The following HDAC9 variants were observed in gnomAD, a reference collection of about 807,000 sequenced individuals.
The protein encoded by HDAC9 is MEF-2 interacting transcription repressor (MITR) protein.
In HDAC9, 41 loss-of-function variants were observed where a neutral mutation model predicts 139.4. That is an observed-to-expected ratio of 0.29 (90% confidence interval 0.23 to 0.38). The LOEUF (loss-of-function observed/expected upper bound fraction) is 0.38, where lower values mean the gene tolerates loss of function less well. HDAC9 is among the 10% of genes least tolerant of loss of function. The pLI, the probability that HDAC9 is intolerant of heterozygous loss-of-function variation, is 1.00. For synonymous variants in HDAC9, 517 were observed against 476.2 expected, an observed-to-expected ratio of 1.09 and a Z score of -1.12; for missense variants, 1,147 against 1,297.0, an observed-to-expected ratio of 0.88 and a Z score of 1.78.
At chr7:18,419,496 T>A (rs1361282234) in intron 1 of HDAC9, among the ~76,000 whole-genome samples, 1 of 152,200 alleles carries the variant, frequency 6.6e-6, no homozygotes, top group African/African-American at 2.4e-5. Context: ...AAGATAAGTT[T>A]TAGTGTTTTC....
At chr7:18,925,529 G>A (rs1804140354) in intron 22 of HDAC9, among the ~76,000 whole-genome samples, 1 of 151,928 alleles carries the variant, frequency 6.6e-6, no homozygotes. Context: ...TTAATTGAAT[G>A]GATCTACCAC....
intron 21 of HDAC9, among the ~76,000 whole-genome samples, chr7:18,867,986 T>C (rs1250321974): frequency 6.6e-6 from 1 of 152,216 alleles, no homozygotes; most frequent in Non-Finnish European, 1.5e-5. Context: ...ATTGTTCTTT[T>C]TCATAACAGC....
intron 2 of HDAC9, among the ~76,000 whole-genome samples, chr7:18,267,303 A>T (rs754027672): frequency 2.0e-5 from 3 of 152,140 alleles, no homozygotes; most frequent in Non-Finnish European, 2.9e-5. Context: ...TGGCGAGAAC[A>T]CTTAGGAATA....
intron 12 of HDAC9, among the ~76,000 whole-genome samples, chr7:18,673,184 G>A (rs113607976): frequency 6.6e-6 from 1 of 151,986 alleles, no homozygotes; most frequent in African/African-American, 2.4e-5. Context: ...GGAGGTTAGG[G>A]CAGGAGGATT....
chr7:18,932,287 C>T (rs369836632), intron 22 of HDAC9, among the ~76,000 whole-genome samples: 1 of 151,998 alleles, frequency 6.6e-6, no homozygotes, highest in Non-Finnish European at 1.5e-5. Context: ...GGCAATTGCC[C>T]CTGAAATTGG....
chr7:18,606,447 G>T (rs906523649), intron 6 of HDAC9, among the ~76,000 whole-genome samples: 5 of 152,264 alleles, frequency 3.3e-5, no homozygotes, highest in African/African-American at 9.6e-5. Context: ...ATTAACATCA[G>T]TGTCCAGCTT....
In HDAC9 at chr7:18,534,000, G is replaced by A. The variant is rs535094422; in HGVS notation, c.22+37676G>A. On this transcript the variant is annotated intron_variant, in intron 2 of 25. Transcript: ENST00000686413. ...ATGTAGTAGGTAACTTCCTCTATTC[G>A]ATAGAGGCTATTAATTATAGTTAAC... Among the ~76,000 whole-genome samples, 7 of 152,070 alleles carry A rather than the reference G, an allele frequency of 4.6e-5. No homozygotes were observed. In the South Asian group the frequency reaches 6.2e-4, roughly 14 times the overall value.
At position 18,864,163 on chromosome 7, in the gene HDAC9, A is replaced by G. The variant is rs184049590; in HGVS notation, c.2685-10315A>G. Among the ~76,000 whole-genome samples, 35 of 152,342 alleles carry G rather than the reference A, an allele frequency of 2.3e-4. 1 individual carries two copies. In the East Asian group the frequency reaches 6.6e-3, roughly 29 times the overall value. On this transcript the variant is annotated intron_variant, in intron 21 of 25. Coordinates refer to ENST00000686413, the MANE Select transcript of HDAC9 (RefSeq NM_178425.4). ...CTGGATGGATGAATGGATAAAGAAA[A>G]TGTGGTATATAGATACAATAGAATA... is the stretch of plus-strand genomic sequence containing the variant.
At chr7:18,303,538 C>T (rs940397444) in intron 1 of HDAC9, among the ~76,000 whole-genome samples, 1 of 152,034 alleles carries the variant, frequency 6.6e-6, no homozygotes, top group Non-Finnish European at 1.5e-5. Flanking sequence ...TGAACCACCG[C>T]GCCCGGCCGG....
At chr7:18,712,612 C>T (rs907899910) in intron 12 of HDAC9, among the ~76,000 whole-genome samples, 6 of 152,222 alleles carry the variant, frequency 3.9e-5, no homozygotes, top group South Asian at 4.2e-4. Context: ...TGCTGAAGAA[C>T]CAAGCAGAGG....
At chr7:18,655,773 C>T (rs1010773256) in intron 11 of HDAC9, among the ~76,000 whole-genome samples, 8 of 152,044 alleles carry the variant, frequency 5.3e-5, no homozygotes, top group South Asian at 2.1e-4. Flanking sequence ...TAGTCAGAGA[C>T]GCTTTTATTG....
At chr7:18,428,295 G>C (rs1267083673) in intron 1 of HDAC9, among the ~76,000 whole-genome samples, 1 of 152,056 alleles carries the variant, frequency 6.6e-6, no homozygotes, top group Non-Finnish European at 1.5e-5. Context: ...AAACTGAAAA[G>C]CTTCTACACA....
At chr7:18,965,148 C>T (rs1239238888) in intron 24 of HDAC9, among the ~76,000 whole-genome samples, 1 of 152,162 alleles carries the variant, frequency 6.6e-6, no homozygotes, top group East Asian at 1.9e-4. Context: ...GTATTCATTT[C>T]ATCTATTACC....
chr7:18,142,357 TCTC>T (rs1330359411), intron 1 of HDAC9, among the ~76,000 whole-genome samples: 1 of 152,098 alleles, frequency 6.6e-6, no homozygotes, highest in Admixed American at 6.5e-5. Context: ...GCCCCTCACT[TCTC>T]CTGCTCATCC....
chr7:18,647,614 C>G (rs1787848823), intron 9 of HDAC9, among the ~76,000 whole-genome samples, 171 bp from the exon 10 acceptor site: 1 of 152,118 alleles, frequency 6.6e-6, no homozygotes, highest in African/African-American at 2.4e-5. Flanking sequence ...TTTATTCCTT[C>G]TTTTTTGAAC....
intron 22 of HDAC9, among the ~76,000 whole-genome samples, chr7:18,903,860 C>G (rs561969640): frequency 6.6e-6 from 1 of 152,290 alleles, no homozygotes; most frequent in African/African-American, 2.4e-5. Flanking sequence ...TTCTCTCTCT[C>G]TATTTTATCA....
chr7:18,863,081 C>A (rs1001332195), intron 21 of HDAC9, among the ~76,000 whole-genome samples: 1 of 152,148 alleles, frequency 6.6e-6, no homozygotes, highest in African/African-American at 2.4e-5. Flanking sequence ...GAGGAAAGGA[C>A]GATTTTCTGA....
At chr7:18,750,567 G>C (rs915946507) in intron 14 of HDAC9, among the ~76,000 whole-genome samples, 8 of 152,078 alleles carry the variant, frequency 5.3e-5, no homozygotes, top group African/African-American at 1.9e-4. Context: ...CCTTTCCTCA[G>C]TGCAAGTCTA....
intron 2 of HDAC9, among the ~76,000 whole-genome samples, chr7:18,212,394 G>C (rs1460195344): frequency 1.3e-5 from 2 of 152,218 alleles, no homozygotes; most frequent in East Asian, 3.9e-4. Flanking sequence ...CCCTGTCTGT[G>C]ATGAGACAGC....
Sources: gnomAD v4.1 joint callset for allele counts (sites outside exome capture counted in the v4.1 genomes callset) on GRCh38, gnomAD v4.1.1 for gene constraint, MANE v1.5 for transcripts, NCBI Gene and HGNC (gene_info 2026-07-23, HGNC 2026-07-21) for gene names.